Variants in INTS9 observed in about 807,000 individuals in gnomAD.
The protein encoded by INTS9 is integrator complex subunit 9.
INTS9 carries 55 observed loss-of-function variants against 79.7 expected under a neutral mutation model. That is an observed-to-expected ratio of 0.69 (90% CI 0.56 to 0.86). The LOEUF (loss-of-function observed/expected upper bound fraction) is 0.86, where lower values mean the gene tolerates loss of function less well. Among genes scored for constraint, INTS9 ranks in the 40% least tolerant of loss-of-function variants. The pLI, the probability that INTS9 is intolerant of heterozygous loss-of-function variation, is 0.00. For synonymous variants in INTS9, 319 were observed against 325.2 expected, an observed-to-expected ratio of 0.98 and a Z score of 0.20; for missense variants, 721 against 831.5, an observed-to-expected ratio of 0.87 and a Z score of 1.64.
At chr8:28,863,454 T>C (rs1275520104) in intron 1 of INTS9, among the ~76,000 whole-genome samples, 1 of 152,116 alleles carries the variant, frequency 6.6e-6, no homozygotes, top group African/African-American at 2.4e-5. Context: ...AGTAATAAAA[T>C]ATAACAATAC....
At position 28,854,489 on chromosome 8, in the gene INTS9, G is replaced by A. The variant is rs182820483; in HGVS notation, c.138-4216C>T. Among the ~76,000 whole-genome samples the A allele has an allele frequency of 1.9e-3, 284 of 152,186 alleles. 1 individual carries two copies. The highest frequency in any genetic ancestry group is 3.3e-3 in the Non-Finnish European group (227 of 68,002). On this transcript the variant is annotated intron_variant, in intron 2 of 16. Coordinates refer to ENST00000521022, the MANE Select transcript of INTS9 (RefSeq NM_018250.4). ...ACAGGAGTTAGGAAGTGAAGGTAGA[G>A]GAGATCTTTCAAGAAGAAGGAAACA...
At chr8:28,886,175 G>T (rs1186485865) in intron 1 of INTS9, among the ~76,000 whole-genome samples, 1 of 151,860 alleles carries the variant, frequency 6.6e-6, no homozygotes, top group Non-Finnish European at 1.5e-5. Flanking sequence ...TCTGATATGG[G>T]GGCCTTTAGC....
chr8:28,770,614 C>T (rs533768444), intron 15 of INTS9, among the ~76,000 whole-genome samples: 1 of 152,330 alleles, frequency 6.6e-6, no homozygotes, highest in African/African-American at 2.4e-5. Context: ...ACAGTGCCTG[C>T]CCTGGAGCTG....
intron 11 of INTS9, among the ~76,000 whole-genome samples, chr8:28,781,739 C>T (rs540523518): frequency 6.6e-6 from 1 of 152,306 alleles, no homozygotes; most frequent in Non-Finnish European, 1.5e-5. Flanking sequence ...CAAAACTATA[C>T]AGATAGTAAA....
chr8:28,770,370 G>GCA (rs1802459424), intron 15 of INTS9, among the ~76,000 whole-genome samples: 1 of 152,200 alleles, frequency 6.6e-6, no homozygotes, highest in Non-Finnish European at 1.5e-5. Flanking sequence ...CCGTGGCTGG[G>GCA]CACACTGGCT....
At chr8:28,806,074 A>AT (rs2131014651) in intron 8 of INTS9, among the ~76,000 whole-genome samples, 1 of 107,586 alleles carries the variant, frequency 9.3e-6, no homozygotes, top group South Asian at 2.5e-4. Context: ...TACAAAAAAA[A>AT]CAAAAATTAG....
At chr8:28,882,948 C>T (rs1241048373) in intron 1 of INTS9, among the ~76,000 whole-genome samples, 11 of 152,220 alleles carry the variant, frequency 7.2e-5, no homozygotes, top group East Asian at 1.9e-4. Flanking sequence ...GAGCAACTTG[C>T]GACTTTCAAG....
At chr8:28,875,274 C>T (rs376864499) in intron 1 of INTS9, among the ~76,000 whole-genome samples, 1 of 151,270 alleles carries the variant, frequency 6.6e-6, no homozygotes, top group African/African-American at 2.4e-5. Context: ...CACACTGCTA[C>T]AGAGCACTAC....
chr8:28,843,610 C>G (rs1331508710), intron 4 of INTS9, among the ~76,000 whole-genome samples: 1 of 152,198 alleles, frequency 6.6e-6, no homozygotes, highest in Admixed American at 6.5e-5. Context: ...CCACATAAAG[C>G]TGCATTTCTA....
intron 1 of INTS9, among the ~76,000 whole-genome samples, chr8:28,879,139 G>C (rs1585527773): frequency 6.6e-6 from 1 of 152,104 alleles, no homozygotes; most frequent in Non-Finnish European, 1.5e-5. Flanking sequence ...GAGAACTACA[G>C]ACCAATATCC....
At chr8:28,879,255 A>AAGAAGAC (rs1554512241) in intron 1 of INTS9, among the ~76,000 whole-genome samples, 6 of 152,238 alleles carry the variant, frequency 3.9e-5, no homozygotes, top group Admixed American at 1.3e-4. Context: ...TATTCCAGGA[A>AAGAAGAC]TGCAAGTCTG....
intron 1 of INTS9, among the ~76,000 whole-genome samples, chr8:28,863,919 C>A (rs981261859): frequency 1.3e-5 from 2 of 152,002 alleles, no homozygotes; most frequent in Admixed American, 6.5e-5. Flanking sequence ...GCCTTTTTTT[C>A]ATAGAATAAG....
At chr8:28,796,871 A>C in intron 8 of INTS9, 2 of 479,770 alleles carry the variant, frequency 4.2e-6, no homozygotes, top group Non-Finnish European at 7.6e-6. Context: ...ATAAGGGATG[A>C]ACAAGTTCTG....
intron 8 of INTS9, among the ~76,000 whole-genome samples, chr8:28,808,929 A>G (rs145606236): frequency 2.6e-5 from 4 of 151,820 alleles, no homozygotes; most frequent in African/African-American, 7.3e-5. Flanking sequence ...TCTAACATTT[A>G]AAGTAGAATT....
chr8:28,879,045 G>A (rs185624335), intron 1 of INTS9, among the ~76,000 whole-genome samples: 3 of 152,084 alleles, frequency 2.0e-5, no homozygotes, highest in East Asian at 3.9e-4. Context: ...ACATAGAGGA[G>A]GTACAGAGGA....
At chr8:28,824,663 G>A (rs576669923) in intron 6 of INTS9, among the ~76,000 whole-genome samples, 5 of 152,186 alleles carry the variant, frequency 3.3e-5, no homozygotes, top group Admixed American at 6.5e-5. Flanking sequence ...TGAGGCCGCC[G>A]CAGGGGCTGC....
intron 1 of INTS9, among the ~76,000 whole-genome samples, chr8:28,873,932 TATC>T (rs111660435): frequency 4.6e-5 from 7 of 152,244 alleles, no homozygotes; most frequent in South Asian, 2.1e-4. Flanking sequence ...TCTCATACTA[TATC>T]ATCAACTGGT....
intron 1 of INTS9, among the ~76,000 whole-genome samples, chr8:28,863,630 G>T (rs1412112680): frequency 6.6e-6 from 1 of 152,118 alleles, no homozygotes; most frequent in African/African-American, 2.4e-5. Flanking sequence ...ACAAAAATTA[G>T]CTGGGCATGG....
At chr8:28,785,174 G>A (rs1225891937) in intron 11 of INTS9, among the ~76,000 whole-genome samples, 1 of 152,242 alleles carries the variant, frequency 6.6e-6, no homozygotes, top group Non-Finnish European at 1.5e-5. Context: ...AATTACTGGT[G>A]ATGTTAACGT....
Sources: gnomAD v4.1 joint callset for allele counts (sites outside exome capture counted in the v4.1 genomes callset) on GRCh38, gnomAD v4.1.1 for gene constraint, MANE v1.5 for transcripts, NCBI Gene and HGNC (gene_info 2026-07-23, HGNC 2026-07-21) for gene names.